THNSL1: variants seen among roughly 807,000 people sequenced by gnomAD.
THNSL1 encodes the protein threonine synthase-like 1.
THNSL1 carries 48 observed loss-of-function variants against 50.4 expected under a neutral mutation model. The ratio of observed to expected loss-of-function variants is 0.95; its 90% CI spans 0.76 to 1.21. THNSL1 has a LOEUF of 1.21. Among genes scored for constraint, THNSL1 ranks in the 50% most tolerant of loss-of-function variants. The pLI is 0.00. For missense variants in THNSL1, 896 were observed against 871.7 expected (o/e 1.03, Z -0.35); for synonymous variants, 309 against 306.1 (o/e 1.01, Z -0.10).
the THNSL1 span, chr10:24,999,316 T>A: frequency 7.6e-7 from 1 of 1,314,852 alleles, no homozygotes; most frequent in Non-Finnish European, 1.0e-6. Context: ...CACCTGTGCA[T>A]GTTTAATATT....
chr10:24,992,672 G>A, the THNSL1 span, among the ~76,000 whole-genome samples: 2 of 152,200 alleles, frequency 1.3e-5, no homozygotes, highest in South Asian at 2.1e-4. Context: ...CAAAGGGCAC[G>A]TGGCAAAAGC....
chr10:25,019,971 T>C lies in THNSL1; in HGVS notation c.-215-1771T>C, dbSNP rs376540192. Among the ~76,000 whole-genome samples, 6 of 152,246 alleles carry C rather than the reference T, an allele frequency of 3.9e-5. No individual in the cohort carries two copies. The East Asian group carries it at 1.2e-3, about 29-fold the overall frequency. ...TTCTATGTATATTCCCGAGTGGCCA[T>C]TGCAGCAGACGTTCTCAAAAAAGAA... On this transcript the variant is annotated intron_variant, in intron 1 of 2. Coordinates refer to ENST00000376356, the MANE Select transcript of THNSL1 (RefSeq NM_024838.5).
chr10:24,990,001 T>C, the THNSL1 span, among the ~76,000 whole-genome samples: 1 of 152,184 alleles, frequency 6.6e-6, no homozygotes, highest in African/African-American at 2.4e-5. Context: ...ACCTAGCACC[T>C]GTTTATTTAA....
chr10:25,014,575 ATACC>A (rs1177314882), upstream of THNSL1, among the ~76,000 whole-genome samples: 2 of 152,208 alleles, frequency 1.3e-5, no homozygotes, highest in African/African-American at 2.4e-5. Context: ...AAAGAACAGA[ATACC>A]TACCTAATAA....
chr10:25,008,592 T>C, the THNSL1 span, among the ~76,000 whole-genome samples: 1 of 152,186 alleles, frequency 6.6e-6, no homozygotes, highest in Non-Finnish European at 1.5e-5. Flanking sequence ...TTACAATTAA[T>C]CACAATGAAA....
the THNSL1 span, among the ~76,000 whole-genome samples, chr10:24,989,777 A>G: frequency 1.3e-5 from 2 of 152,346 alleles, no homozygotes; most frequent in East Asian, 3.9e-4. Context: ...AAAAATAAAC[A>G]AAGAATTAAG....
At chr10:24,967,799 TATG>T in the THNSL1 span, among the ~76,000 whole-genome samples, 1 of 152,000 alleles carries the variant, frequency 6.6e-6, no homozygotes, top group Non-Finnish European at 1.5e-5. Context: ...ATGATGTGTG[TATG>T]ATGTGTGTAT....
chr10:25,018,490 G>A (rs1185569934), intron 1 of THNSL1, among the ~76,000 whole-genome samples: 1 of 152,066 alleles, frequency 6.6e-6, no homozygotes, highest in Non-Finnish European at 1.5e-5. Context: ...AGCCAAAGAC[G>A]GTACTGAACA....
chr10:25,016,211 G>C (rs1850568662), upstream of THNSL1: 1 of 1,132,398 alleles, frequency 8.8e-7, no homozygotes, highest in South Asian at 4.1e-5. Context: ...AGGCAGCACC[G>C]CAAACTAGGT....
At chr10:24,976,998 T>C in the THNSL1 span, among the ~76,000 whole-genome samples, 1 of 152,186 alleles carries the variant, frequency 6.6e-6, no homozygotes, top group South Asian at 2.1e-4. Context: ...CCCATATCCA[T>C]AGCCCCTCTT....
At chr10:25,014,331 C>T (rs1850516250), upstream of THNSL1, among the ~76,000 whole-genome samples, 1 of 152,114 alleles carries the variant, frequency 6.6e-6, no homozygotes, top group East Asian at 1.9e-4. Context: ...TTTGGCATCA[C>T]ATTTGGGTGC....
the THNSL1 span, among the ~76,000 whole-genome samples, chr10:24,959,189 GC>G: frequency 2.0e-5 from 3 of 152,194 alleles, no homozygotes; most frequent in Admixed American, 2.0e-4. Context: ...AAAAAGGGGG[GC>G]CTCCTTAGTC....
chr10:24,970,668 G>A, the THNSL1 span, among the ~76,000 whole-genome samples: 13 of 151,050 alleles, frequency 8.6e-5, no homozygotes, highest in Non-Finnish European at 1.5e-4. Flanking sequence ...AACCATATTT[G>A]TGCCACTGCA....
chr10:24,963,231 A>G, the THNSL1 span, among the ~76,000 whole-genome samples: 2 of 152,234 alleles, frequency 1.3e-5, no homozygotes, highest in African/African-American at 4.8e-5. Flanking sequence ...ATGCCTTAGC[A>G]ATTGTGAAAG....
At chr10:24,954,353 C>T in the THNSL1 span, among the ~76,000 whole-genome samples, 1 of 151,948 alleles carries the variant, frequency 6.6e-6, no homozygotes, top group Non-Finnish European at 1.5e-5. Context: ...TTAGGGGATT[C>T]CACTAGACCA....
chr10:25,007,867 A>G, the THNSL1 span, among the ~76,000 whole-genome samples: 1 of 151,944 alleles, frequency 6.6e-6, no homozygotes, highest in African/African-American at 2.4e-5. Flanking sequence ...ATATGCCTGA[A>G]GGGAAAGGTG....
At chr10:24,997,816 T>C in the THNSL1 span, among the ~76,000 whole-genome samples, 3 of 151,404 alleles carry the variant, frequency 2.0e-5, no homozygotes, top group African/African-American at 7.3e-5. Context: ...TTTATATATA[T>C]ATATATATAT....
the THNSL1 span, chr10:24,995,620 C>T: frequency 1.9e-6 from 3 of 1,564,380 alleles, no homozygotes; most frequent in Non-Finnish European, 2.6e-6. Flanking sequence ...AATTTCAGCC[C>T]TCTTATTAAT....
In THNSL1 at chr10:25,024,477, A is replaced by G. The variant is rs368715418; in HGVS notation, c.1254A>G (p.Ala418=). 1 of 1,614,236 alleles carries G rather than the reference A, an allele frequency of 6.2e-7. No individual in the cohort carries two copies. The highest frequency in any genetic ancestry group is 1.6e-4 in the Middle Eastern group (1 of 6,062). Residue 418 remains alanine (A), a synonymous_variant, in exon 3 of 3, where the codon GCA becomes GCG. Coordinates refer to ENST00000376356, the MANE Select transcript of THNSL1 (RefSeq NM_024838.5). The part of the protein sequence containing the change: ...PENGVSDFQK[A]QIIGSQRENG... ...ATGGAGTAAGTGATTTTCAAAAAGC[A>G]CAAATAATTGGCAGTCAGAGAGAAA...
Sources: allele counts gnomAD v4.1 joint callset (sites outside exome capture counted in the v4.1 genomes callset), GRCh38; gene constraint gnomAD v4.1.1; transcripts MANE v1.5; gene names NCBI Gene and HGNC (gene_info 2026-07-23, HGNC 2026-07-21).